UGT2A2: variants seen among roughly 807,000 people sequenced by gnomAD.
UGT2A2 encodes UDP-glucuronosyltransferase 2A2.
In UGT2A2, 60 loss-of-function variants were observed where a neutral mutation model predicts 50.7. The observed-to-expected ratio is 1.18, with a 90% CI of 0.96 to 1.47. The LOEUF is 1.47. Ranked by LOEUF, UGT2A2 falls within the 40% of genes most tolerant of loss-of-function variation. UGT2A2 has a pLI of 0.00. For missense variants in UGT2A2, 762 were observed against 634.0 expected (o/e 1.20, Z -2.17); for synonymous variants, 242 against 214.6 (o/e 1.13, Z -1.11).
In UGT2A2 at chr4:69,588,889, A is replaced by C. The variant is rs984132821; in HGVS notation, c.*483T>G. The stretch of plus-strand genomic sequence containing the variant: ...AAGAGTTTGTTTTTATTAAAAAAGG[A>C]AATCATTACCTTTCTCATAACACAC... On this transcript the variant is annotated 3_prime_UTR_variant, in exon 6 of 6. Coordinates refer to ENST00000604629, the MANE Select transcript of UGT2A2 (RefSeq NM_001105677.2). The C allele has an allele frequency of 6.6e-6, 1 of 152,172 alleles. No homozygotes were observed. The highest frequency in any genetic ancestry group is 1.5e-5 in the Non-Finnish European group (1 of 68,112). The allele number at this position is 152,172 out of a possible 1,614,324, so 9.4% of individuals were successfully genotyped here. A position where few individuals can be genotyped will look rare whatever the true frequency, so the allele number is the denominator to read the frequency against.
intron 1 of UGT2A2, among the ~76,000 whole-genome samples, chr4:69,618,186 C>CGT (rs1720511311): frequency 5.9e-5 from 3 of 51,150 alleles, no homozygotes; most frequent in South Asian, 9.3e-4. Flanking sequence ...GGCCAGTAAG[C>CGT]ATGTGTGTGT....
chr4:69,594,334 T>G (rs1718776892), intron 5 of UGT2A2, 143 bp downstream of exon 5: 1 of 1,146,136 alleles, frequency 8.7e-7, no homozygotes, highest in Non-Finnish European at 1.2e-6. Context: ...TTTAGCAGTT[T>G]GGCAAATAAA....
At chr4:69,603,059 T>C (rs1719393906) in intron 1 of UGT2A2, among the ~76,000 whole-genome samples, 1 of 134,084 alleles carries the variant, frequency 7.5e-6, no homozygotes, top group Non-Finnish European at 1.6e-5. Context: ...AGAGAGAGAC[T>C]CCATCTAAAA....
chr4:69,623,436 A>C (rs541258084), intron 1 of UGT2A2, among the ~76,000 whole-genome samples: 28 of 151,926 alleles, frequency 1.8e-4, no homozygotes, highest in African/African-American at 6.7e-4. Context: ...GAAAAGACAA[A>C]AGCCAATATG....
rs555929988 is a variant in UGT2A2 at position 69,628,179 on chromosome 4, C to T, written c.742+10720G>A. On this transcript the variant is annotated intron_variant, in intron 1 of 5. Coordinates refer to ENST00000604629, the MANE Select transcript of UGT2A2 (RefSeq NM_001105677.2). The stretch of plus-strand genomic sequence containing the variant: ...AATTTGTCTCAGGGCATCAAAATGT[C>T]CATGTTACCCAAAACAATCCAGATT... 6.6e-5 allele frequency among the ~76,000 whole-genome samples: 10 copies of T among 151,908 alleles called. No homozygotes were observed. The South Asian group carries it at 2.1e-3, about 32-fold the overall frequency.
chr4:69,628,601 GA>G (rs1027668568), intron 1 of UGT2A2, among the ~76,000 whole-genome samples: 1 of 150,918 alleles, frequency 6.6e-6, no homozygotes, highest in Non-Finnish European at 1.5e-5. Context: ...CAAATTTGAT[GA>G]AAAAAATTCT....
intron 1 of UGT2A2, among the ~76,000 whole-genome samples, chr4:69,618,815 A>T (rs1442012832): frequency 6.6e-6 from 1 of 151,960 alleles, no homozygotes; most frequent in South Asian, 2.1e-4. Flanking sequence ...GATGAAAATT[A>T]TGAAACAACT....
At chr4:69,603,473 A>G (rs1719416257) in intron 1 of UGT2A2, 1 of 137,180 alleles carries the variant, frequency 7.3e-6, no homozygotes, top group Admixed American at 7.2e-5. Context: ...GGGAAAAAAC[A>G]GAGCAGAAAA....
intron 1 of UGT2A2, among the ~76,000 whole-genome samples, chr4:69,627,675 G>A (rs887043761): frequency 3.3e-5 from 5 of 151,638 alleles, no homozygotes; most frequent in African/African-American, 1.2e-4. Flanking sequence ...AAGGACTGAA[G>A]AACAAATATA....
intron 2 of UGT2A2, among the ~76,000 whole-genome samples, chr4:69,596,826 A>T (rs1162238749): frequency 6.6e-6 from 1 of 152,184 alleles, no homozygotes; most frequent in Non-Finnish European, 1.5e-5. Context: ...CCAGTCAGAA[A>T]TAGTCTCCTT....
intron 1 of UGT2A2, among the ~76,000 whole-genome samples, chr4:69,632,850 T>C (rs1458792217): frequency 6.7e-6 from 1 of 150,030 alleles, no homozygotes; most frequent in Non-Finnish European, 1.5e-5. Context: ...ATTGCGCCAT[T>C]GCAATCCAGC....
rs187629860 is a variant in UGT2A2, at chr4:69,616,241, G to A, written c.743-16847C>T. ...ACCAGAGGCTGGGAAAGGTCTTGGG[G>A]GGTGGGGAGGGTATAAAGAGGGCAT... On this transcript the variant is annotated intron_variant, in intron 1 of 5. Transcript: ENST00000604629. Among the ~76,000 whole-genome samples, 302 of 151,958 alleles carry A rather than the reference G, an allele frequency of 2.0e-3. 2 individuals carry two copies. Among genetic ancestry groups the A allele is most frequent in the Middle Eastern group, 6.8e-3 (2 of 294 alleles).
chr4:69,622,329 A>C (rs182317160), intron 1 of UGT2A2, among the ~76,000 whole-genome samples: 5 of 151,852 alleles, frequency 3.3e-5, no homozygotes, highest in African/African-American at 1.2e-4. Flanking sequence ...AAAGTTAGAG[A>C]TCAAAACATA....
chr4:69,593,563 T>C (rs1323054912), intron 5 of UGT2A2, among the ~76,000 whole-genome samples: 4 of 151,428 alleles, frequency 2.6e-5, no homozygotes, highest in Non-Finnish European at 5.9e-5. Context: ...TATAGACTTA[T>C]ATATATAATA....
At chr4:69,619,420 CATAAAATAAA>C (rs146525091) in intron 1 of UGT2A2, among the ~76,000 whole-genome samples, 31 of 149,292 alleles carry the variant, frequency 2.1e-4, no homozygotes, top group Non-Finnish European at 4.0e-4. Context: ...TACATAAATA[CATAAAATAAA>C]ATAAAATAAA....
chr4:69,623,083 C>T (rs867534956), intron 1 of UGT2A2, among the ~76,000 whole-genome samples: 1 of 151,808 alleles, frequency 6.6e-6, no homozygotes, highest in African/African-American at 2.4e-5. Flanking sequence ...GCAATAAACA[C>T]AGATAACAGC....
chr4:69,599,455 A>T, intron 1 of UGT2A2, 61 bp from the exon 2 acceptor site: 4 of 1,581,526 alleles, frequency 2.5e-6, no homozygotes, highest in Non-Finnish European at 3.4e-6. Flanking sequence ...TGAGGAGAAA[A>T]AAAAGCTACC....
intron 1 of UGT2A2, among the ~76,000 whole-genome samples, chr4:69,607,503 G>T (rs1719716110): frequency 6.6e-6 from 1 of 151,700 alleles, no homozygotes; most frequent in African/African-American, 2.4e-5. Flanking sequence ...CAGGACATAG[G>T]CATGGGCAAG....
intron 1 of UGT2A2, among the ~76,000 whole-genome samples, chr4:69,628,234 A>AT (rs908411221): frequency 1.3e-5 from 2 of 151,810 alleles, no homozygotes; most frequent in Admixed American, 6.6e-5. Context: ...TCCCACTGGC[A>AT]TTTTTTTAAA....
Sources: gnomAD v4.1 joint callset for allele counts (sites outside exome capture counted in the v4.1 genomes callset) on GRCh38, gnomAD v4.1.1 for gene constraint, MANE v1.5 for transcripts, NCBI Gene and HGNC (gene_info 2026-07-23, HGNC 2026-07-21) for gene names.